The following GPATCH1 variants were observed in gnomAD, a reference collection of about 807,000 sequenced individuals.
GPATCH1 encodes G patch domain-containing protein 1.
Under a neutral mutation model 114.9 loss-of-function variants are expected in GPATCH1, and 73 were observed. The ratio of observed to expected loss-of-function variants is 0.64; its 90% CI spans 0.53 to 0.77. GPATCH1 has a LOEUF of 0.77. Among genes scored for constraint, GPATCH1 ranks in the 30% least tolerant of loss-of-function variants. The pLI, the probability that GPATCH1 is intolerant of heterozygous loss-of-function variation, is 0.00. For synonymous variants in GPATCH1, 391 were observed against 428.4 expected (o/e 0.91, Z 1.08); for missense variants, 1,058 against 1,144.3 (o/e 0.92, Z 1.09).
In GPATCH1 at chr19:33,110,689, G is replaced by T. The variant is rs1021174841; in HGVS notation, c.1585+673G>T. 2.0e-5 allele frequency among the ~76,000 whole-genome samples: 3 copies of T among 149,674 alleles called. No homozygotes were observed. The South Asian group carries it at 6.3e-4, about 31-fold the overall frequency. On this transcript the variant is annotated intron_variant, in intron 11 of 19. Coordinates refer to ENST00000170564, the MANE Select transcript of GPATCH1 (RefSeq NM_018025.3). ...ACGGTTAGTGAAAGAGTGTTTTTCT[G>T]CCAAAACATAGGGATGTGGTTGAGG...
At position 33,090,724 on chromosome 19, in the gene GPATCH1, C is replaced by T. The variant is rs1293483765; in HGVS notation, c.209-56C>T. Reference sequence around the variant, plus strand: ...TCCATACATGTTATTTAATCATTTACTCATAGACCCAAATACTCTCTAGGA... The same window carrying T: ...TCCATACATGTTATTTAATCATTTATTCATAGACCCAAATACTCTCTAGGA... On this transcript the variant is annotated intron_variant, in intron 2 of 19. Transcript: ENST00000170564. The T allele has an allele frequency of 6.5e-6, 7 of 1,079,530 alleles. No homozygotes were observed. The African/African-American group carries it at 1.1e-4, about 17-fold the overall frequency. The allele number at this position is 1,079,530 out of a possible 1,614,324, so 66.9% of individuals were successfully genotyped here.
At chr19:33,086,938 C>T (rs1972539944) in intron 1 of GPATCH1, among the ~76,000 whole-genome samples, 3 of 151,624 alleles carry the variant, frequency 2.0e-5, no homozygotes, top group Admixed American at 2.0e-4. Context: ...CATGCCACTG[C>T]ACTCCAGCAT....
chr19:33,111,836 C>T lies in GPATCH1; in HGVS notation c.1698C>T (p.Ser566=), dbSNP rs1972858784. 1 of 1,613,994 alleles carries T rather than the reference C, an allele frequency of 6.2e-7. No individual in the cohort carries two copies. The highest frequency in any genetic ancestry group is 8.5e-7 in the Non-Finnish European group (1 of 1,179,976). Residue 566 remains serine (S), a synonymous_variant, in exon 12 of 20, where the codon TCC becomes TCT. Coordinates refer to ENST00000170564, the MANE Select transcript of GPATCH1 (RefSeq NM_018025.3). ...LLYASSHSTL[S]SRFTHAKEED... The stretch of plus-strand genomic sequence containing the variant: ...ACGCATCTTCCCATTCGACCTTGTC[C>T]TCCAGGTTCACTCACGCCAAGGAGG...
intron 8 of GPATCH1, among the ~76,000 whole-genome samples, chr19:33,098,898 T>G (rs1320094583): frequency 6.6e-6 from 1 of 151,512 alleles, no homozygotes. Context: ...AGTACTTACT[T>G]CCTTTTTTTT....
intron 17 of GPATCH1, among the ~76,000 whole-genome samples, chr19:33,123,123 G>A (rs2145339847): frequency 6.7e-6 from 1 of 149,944 alleles, no homozygotes; most frequent in African/African-American, 2.5e-5. Flanking sequence ...TAAATAGCTG[G>A]GCACGGTGGC....
intron 1 of GPATCH1, among the ~76,000 whole-genome samples, chr19:33,086,386 G>C (rs1972534306): frequency 6.6e-6 from 1 of 152,196 alleles, no homozygotes; most frequent in South Asian, 2.1e-4. Flanking sequence ...ACCCTACAAA[G>C]ATGGGCTTCT....
intron 1 of GPATCH1, among the ~76,000 whole-genome samples, chr19:33,083,905 G>A (rs1201663714): frequency 2.0e-5 from 3 of 152,052 alleles, no homozygotes; most frequent in Non-Finnish European, 4.4e-5. Flanking sequence ...TGCCTCCCAG[G>A]TTCAAGAGAT....
intron 2 of GPATCH1, 27 bp downstream of exon 2, chr19:33,088,295 A>G: frequency 6.6e-7 from 1 of 1,515,924 alleles, no homozygotes; most frequent in East Asian, 2.3e-5. Flanking sequence ...TGTAGCTATT[A>G]TACCATTAAA....
chr19:33,119,873 A>G (rs1972957458), intron 17 of GPATCH1, among the ~76,000 whole-genome samples: 1 of 148,090 alleles, frequency 6.8e-6, no homozygotes, highest in South Asian at 2.1e-4. Context: ...TTTTATAAAA[A>G]TTATAAAATT....
At chr19:33,097,661 G>T (rs947130816) in intron 7 of GPATCH1, 94 bp from the exon 8 acceptor site, 14 of 1,138,984 alleles carry the variant, frequency 1.2e-5, no homozygotes, top group Non-Finnish European at 1.8e-5. Flanking sequence ...GTGCTAACAT[G>T]GTTTCCAATC....
intron 19 of GPATCH1, among the ~76,000 whole-genome samples, chr19:33,128,933 C>T (rs1372686424): frequency 6.6e-6 from 1 of 152,172 alleles, no homozygotes; most frequent in Non-Finnish European, 1.5e-5. Context: ...AGAACTGCCA[C>T]GAACATTCCT....
rs1475973311 is a variant in GPATCH1 at position 33,118,086 on chromosome 19, G to C, written c.2413+45G>C. The C allele has an allele frequency of 2.4e-6, 3 of 1,260,620 alleles. No individual in the cohort carries two copies. The Admixed American group carries it at 5.2e-5, about 22-fold the overall frequency. The allele number at this position is 1,260,620 out of a possible 1,614,324, so 78.1% of individuals were successfully genotyped here. On this transcript the variant is annotated intron_variant, in intron 16 of 19. Coordinates refer to ENST00000170564, the MANE Select transcript of GPATCH1 (RefSeq NM_018025.3). ...TCGGGGATCTAAAGGAGAAGACAAT[G>C]ACTCTAGGACAGCTGCTTCTCTGTT...
intron 1 of GPATCH1, among the ~76,000 whole-genome samples, chr19:33,082,463 C>T (rs1972488993): frequency 6.6e-6 from 1 of 152,150 alleles, no homozygotes; most frequent in African/African-American, 2.4e-5. Flanking sequence ...GGGATATCTC[C>T]ACTTATGCCC....
chr19:33,101,441 G>C, intron 8 of GPATCH1, 54 bp from the exon 9 acceptor site: 1 of 981,902 alleles, frequency 1.0e-6, no homozygotes, highest in Non-Finnish European at 1.6e-6. Context: ...GATGTGTTCT[G>C]TCTTATTCTA....
At chr19:33,117,744 G>A in intron 15 of GPATCH1, 81 bp from the exon 16 acceptor site, 1 of 940,486 alleles carries the variant, frequency 1.1e-6, no homozygotes, top group Admixed American at 1.7e-5. Flanking sequence ...AAATATGTGT[G>A]TCTGGGAGTG....
chr19:33,118,145 T>A, intron 16 of GPATCH1, 104 bp downstream of exon 16: 1 of 683,244 alleles, frequency 1.5e-6, no homozygotes. Context: ...TGATTAGCAA[T>A]CAATGATATG....
rs543655048 is a variant in GPATCH1 at position 33,099,894 on chromosome 19, C to T, written c.1001-1601C>T. Among the ~76,000 whole-genome samples, 118 of 151,870 alleles carry T rather than the reference C, an allele frequency of 7.8e-4. 1 individual carries two copies. Among genetic ancestry groups the T allele is most frequent in the Middle Eastern group, 3.4e-3 (1 of 294 alleles). On this transcript the variant is annotated intron_variant, in intron 8 of 19. Transcript: ENST00000170564. ...CAAGCAATTCTCCTGCCTCAGCCTC[C>T]CAAGGAGCTGGGATTACAGGCGCCT...
chr19:33,092,803 G>T (rs1228252636), intron 3 of GPATCH1, among the ~76,000 whole-genome samples: 1 of 152,110 alleles, frequency 6.6e-6, no homozygotes, highest in Non-Finnish European at 1.5e-5. Context: ...TGTCTTCCCA[G>T]CTTGGTCATG....
intron 3 of GPATCH1, among the ~76,000 whole-genome samples, chr19:33,091,499 A>G (rs115496759): frequency 9.4e-4 from 143 of 151,726 alleles, no homozygotes; most frequent in African/African-American, 3.2e-3. Flanking sequence ...AGCTTTCCAC[A>G]GTAACTCTCA....
Sources: allele counts gnomAD v4.1 joint callset (sites outside exome capture counted in the v4.1 genomes callset), GRCh38; gene constraint gnomAD v4.1.1; transcripts MANE v1.5; gene names NCBI Gene and HGNC (gene_info 2026-07-23, HGNC 2026-07-21).